The following CDH19 variants were observed in gnomAD, a reference collection of about 807,000 sequenced individuals.
The protein encoded by CDH19 is cadherin 19.
CDH19 carries 67 observed loss-of-function variants against 64.2 expected under a neutral mutation model. That is an observed-to-expected ratio of 1.04 (90% CI 0.86 to 1.28). The LOEUF (loss-of-function observed/expected upper bound fraction) is 1.28, where lower values mean the gene tolerates loss of function less well. Among genes scored for constraint, CDH19 ranks in the 50% most tolerant of loss-of-function variants. The pLI is 0.00. For synonymous variants in CDH19, 346 were observed against 319.3 expected, an observed-to-expected ratio of 1.08 and a Z score of -0.89; for missense variants, 1,030 against 929.0, an observed-to-expected ratio of 1.11 and a Z score of -1.41.
chr18:66,516,661 T>C lies in CDH19; in HGVS notation c.1459-4976A>G, dbSNP rs574615148. On this transcript the variant is annotated intron_variant, in intron 9 of 11. Transcript: ENST00000262150. ...TGACTGCAGTCTTACCTAATAAATA[T>C]AATTGATTTATAAAACTGATACATT... is the stretch of plus-strand genomic sequence containing the variant. Among the ~76,000 whole-genome samples the C allele has an allele frequency of 1.1e-4, 17 of 152,164 alleles. No homozygotes were observed. In the South Asian group the frequency reaches 2.9e-3, roughly 26 times the overall value.
At chr18:66,510,583 A>AAATAATAAT (rs58115682) in intron 10 of CDH19, among the ~76,000 whole-genome samples, 10 of 139,354 alleles carry the variant, frequency 7.2e-5, no homozygotes, top group East Asian at 2.1e-4. Flanking sequence ...AGTCTGCAAC[A>AAATAATAAT]AATAATAATA....
chr18:66,587,333 C>A (rs1054535618), intron 1 of CDH19, among the ~76,000 whole-genome samples: 1 of 152,086 alleles, frequency 6.6e-6, no homozygotes, highest in African/African-American at 2.4e-5. Flanking sequence ...TTACTCCAGA[C>A]TCAGAAGGAA....
intron 9 of CDH19, 75 bp from the exon 10 acceptor site, chr18:66,511,760 C>A: frequency 1.4e-6 from 1 of 736,008 alleles, no homozygotes; most frequent in South Asian, 1.6e-5. Flanking sequence ...TTATTATTAG[C>A]TTTTATTCAC....
chr18:66,578,803 TA>T, intron 1 of CDH19, among the ~76,000 whole-genome samples: 1 of 152,134 alleles, frequency 6.6e-6, no homozygotes. Flanking sequence ...CTATGCAATG[TA>T]ATGATACTCA....
intron 3 of CDH19, among the ~76,000 whole-genome samples, chr18:66,559,451 T>G (rs1028052770): frequency 7.9e-5 from 12 of 151,670 alleles, no homozygotes; most frequent in African/African-American, 2.9e-4. Context: ...GTACTGAACT[T>G]CCTAGACAAT....
At chr18:66,540,805 A>G (rs887796489) in intron 7 of CDH19, among the ~76,000 whole-genome samples, 8 of 152,162 alleles carry the variant, frequency 5.3e-5, no homozygotes, top group Admixed American at 1.3e-4. Flanking sequence ...TCAGATTTCA[A>G]ATATGAATTT....
chr18:66,551,848 T>C (rs887595985), intron 4 of CDH19, among the ~76,000 whole-genome samples: 12 of 151,994 alleles, frequency 7.9e-5, no homozygotes, highest in African/African-American at 2.9e-4. Flanking sequence ...AATATACATT[T>C]ATTAACTATC....
At chr18:66,520,339 C>CTTTT (rs1467363662) in intron 9 of CDH19, among the ~76,000 whole-genome samples, 3 of 107,266 alleles carry the variant, frequency 2.8e-5, no homozygotes, top group African/African-American at 1.1e-4. Flanking sequence ...AAGAAAATAG[C>CTTTT]TGTTTTTTTT....
chr18:66,521,309 T>G (rs2144382681), intron 9 of CDH19, among the ~76,000 whole-genome samples: 1 of 152,256 alleles, frequency 6.6e-6, no homozygotes, highest in Non-Finnish European at 1.5e-5. Flanking sequence ...CTGTAATGGA[T>G]ACAGAGTGCT....
rs140971354 is a variant in CDH19 at position 66,588,954 on chromosome 18, C to T, written c.-113+15000G>A. Among the ~76,000 whole-genome samples, 16 of 151,408 alleles carry T rather than the reference C, an allele frequency of 1.1e-4. No individual in the cohort carries two copies. The East Asian group carries it at 3.1e-3, about 29-fold the overall frequency. On this transcript the variant is annotated intron_variant, in intron 1 of 11. Coordinates refer to ENST00000262150, the MANE Select transcript of CDH19 (RefSeq NM_021153.4). ...ATAAACAAATAATGCTTCCTACTTC[C>T]AACAATAATAACAACACAAGAAAAA... is the stretch of plus-strand genomic sequence containing the variant.
At chr18:66,519,694 T>C (rs1224332380) in intron 9 of CDH19, among the ~76,000 whole-genome samples, 1 of 152,030 alleles carries the variant, frequency 6.6e-6, no homozygotes, top group African/African-American at 2.4e-5. Context: ...AAGAACCACT[T>C]TGCCTTTCAA....
intron 10 of CDH19, among the ~76,000 whole-genome samples, chr18:66,511,154 A>AAAT (rs1241464358): frequency 6.6e-6 from 1 of 150,656 alleles, no homozygotes; most frequent in Admixed American, 6.7e-5. Context: ...CTAAGCTCCT[A>AAAT]ATTGATGACC....
At chr18:66,547,333 T>C (rs1386750774) in intron 5 of CDH19, among the ~76,000 whole-genome samples, 2 of 152,062 alleles carry the variant, frequency 1.3e-5, no homozygotes, top group Non-Finnish European at 2.9e-5. Flanking sequence ...TGTGTGTGTA[T>C]GTGTGTGTGC....
intron 9 of CDH19, among the ~76,000 whole-genome samples, chr18:66,516,324 C>T (rs547977945): frequency 6.6e-6 from 1 of 151,854 alleles, no homozygotes; most frequent in African/African-American, 2.4e-5. Flanking sequence ...TTGTCATGAT[C>T]CTATTGAACA....
At chr18:66,542,548 C>T (rs1288745838) in intron 7 of CDH19, among the ~76,000 whole-genome samples, 1 of 151,936 alleles carries the variant, frequency 6.6e-6, no homozygotes. Flanking sequence ...CTGAAAATAA[C>T]AGACTATTTT....
intron 1 of CDH19, among the ~76,000 whole-genome samples, chr18:66,600,459 T>C (rs971449454): frequency 1.3e-5 from 2 of 151,868 alleles, no homozygotes. Flanking sequence ...AATGACATGA[T>C]TATAATCTCA....
At chr18:66,525,027 A>G (rs1986167043) in intron 9 of CDH19, among the ~76,000 whole-genome samples, 1 of 152,078 alleles carries the variant, frequency 6.6e-6, no homozygotes, top group African/African-American at 2.4e-5. Flanking sequence ...CTTAATCCAG[A>G]ATTTACATTA....
chr18:66,583,751 G>T (rs1988492316), intron 1 of CDH19, among the ~76,000 whole-genome samples: 1 of 152,032 alleles, frequency 6.6e-6, no homozygotes, highest in Admixed American at 6.6e-5. Flanking sequence ...AAGCAATGGG[G>T]AGAAGACTCT....
intron 3 of CDH19, among the ~76,000 whole-genome samples, chr18:66,562,136 T>C (rs1425657216): frequency 6.6e-6 from 1 of 151,348 alleles, no homozygotes; most frequent in East Asian, 1.9e-4. Flanking sequence ...GGGTGGGGAG[T>C]GGGCATGGGG....
Sources: gnomAD v4.1 joint callset for allele counts (sites outside exome capture counted in the v4.1 genomes callset) on GRCh38, gnomAD v4.1.1 for gene constraint, MANE v1.5 for transcripts, NCBI Gene and HGNC (gene_info 2026-07-23, HGNC 2026-07-21) for gene names.